The following DISC1 variants were observed in gnomAD, a reference collection of about 807,000 sequenced individuals.
DISC1 encodes disrupted in schizophrenia 1 protein.
DISC1 carries 57 observed loss-of-function variants against 84.5 expected under a neutral mutation model. That is an observed-to-expected ratio of 0.67 (90% CI 0.55 to 0.84). The LOEUF (loss-of-function observed/expected upper bound fraction) is 0.84. Among genes scored for constraint, DISC1 ranks in the 40% least tolerant of loss-of-function variants. DISC1 has a pLI of 0.00. For synonymous variants in DISC1, 411 were observed against 415.2 expected (o/e 0.99, Z 0.12); for missense variants, 1,000 against 1,057.8 (o/e 0.95, Z 0.76).
intron 9 of DISC1, among the ~76,000 whole-genome samples, chr1:231,907,504 A>C (rs1254228106): frequency 6.6e-6 from 1 of 152,040 alleles, no homozygotes; most frequent in Non-Finnish European, 1.5e-5. Context: ...GGGCTCCTGA[A>C]CTTATCCTTT....
intron 10 of DISC1, 38 bp from the exon 11 acceptor site, chr1:232,008,747 G>A: frequency 6.6e-7 from 1 of 1,522,626 alleles, no homozygotes; most frequent in East Asian, 2.3e-5. Flanking sequence ...AAACATCACT[G>A]AGTTCATTTT....
intron 3 of DISC1, among the ~76,000 whole-genome samples, chr1:231,706,170 G>A (rs1292185964): frequency 6.6e-6 from 1 of 152,148 alleles, no homozygotes; most frequent in African/African-American, 2.4e-5. Flanking sequence ...GGGCTTGGGA[G>A]AAAAAGAATA....
At chr1:231,864,265 C>T (rs1348655128) in intron 9 of DISC1, among the ~76,000 whole-genome samples, 1 of 152,170 alleles carries the variant, frequency 6.6e-6, no homozygotes, top group African/African-American at 2.4e-5. Context: ...CATCAGGCTT[C>T]CCTATATGTC....
chr1:231,730,105 T>C (rs1224806910), intron 3 of DISC1, among the ~76,000 whole-genome samples: 1 of 152,244 alleles, frequency 6.6e-6, no homozygotes, highest in Non-Finnish European at 1.5e-5. Flanking sequence ...AGCTAATTTT[T>C]TGTGAAAACA....
chr1:231,870,751 T>C (rs1258936479), intron 9 of DISC1, among the ~76,000 whole-genome samples: 1 of 152,218 alleles, frequency 6.6e-6, no homozygotes, highest in Non-Finnish European at 1.5e-5. Context: ...ACAAACTCTG[T>C]TTTTAGAGAT....
At chr1:231,664,039 T>TATCCATCCATCC (rs57234946) in intron 1 of DISC1, among the ~76,000 whole-genome samples, 255 of 146,420 alleles carry the variant, frequency 1.7e-3, no homozygotes, top group Middle Eastern at 6.9e-3. Flanking sequence ...TCCATCTATC[T>TATCCATCCATCC]ATCCATCCAT....
At chr1:231,665,446 G>A (rs2061940143) in intron 1 of DISC1, among the ~76,000 whole-genome samples, 1 of 152,180 alleles carries the variant, frequency 6.6e-6, no homozygotes, top group Non-Finnish European at 1.5e-5. Context: ...TGAATTGCTT[G>A]ATGTGTGCTA....
intron 11 of DISC1, among the ~76,000 whole-genome samples, chr1:232,018,338 C>T (rs1668666565): frequency 6.6e-6 from 1 of 152,128 alleles, no homozygotes; most frequent in African/African-American, 2.4e-5. Context: ...TAGGGAAAGA[C>T]TTAAGCCTTG....
intron 11 of DISC1, among the ~76,000 whole-genome samples, chr1:232,020,281 G>T (rs1043741342): frequency 6.6e-6 from 1 of 152,086 alleles, no homozygotes; most frequent in Admixed American, 6.5e-5. Flanking sequence ...GGCAGAGGTC[G>T]CAGTGAGCCG....
At chr1:231,828,023 A>G (rs528075331) in intron 9 of DISC1, among the ~76,000 whole-genome samples, 21 of 152,338 alleles carry the variant, frequency 1.4e-4, no homozygotes, top group Admixed American at 6.5e-5. Context: ...TTAACAACTG[A>G]TGACACACTT....
chr1:231,792,356 C>A (rs756889902), intron 6 of DISC1, among the ~76,000 whole-genome samples: 1 of 152,050 alleles, frequency 6.6e-6, no homozygotes, highest in South Asian at 2.1e-4. Context: ...GGTGCTTGAC[C>A]TCCTTTTTTG....
At chr1:231,647,411 C>T (rs1014112938) in intron 1 of DISC1, among the ~76,000 whole-genome samples, 5 of 152,120 alleles carry the variant, frequency 3.3e-5, no homozygotes, top group Non-Finnish European at 5.9e-5. Context: ...CTGTTCTGTT[C>T]CATTGGTCTA....
intron 9 of DISC1, among the ~76,000 whole-genome samples, chr1:231,838,035 T>A (rs1398568761): frequency 6.6e-6 from 1 of 152,112 alleles, no homozygotes. Context: ...TATCAATAGA[T>A]AAGAAAGATA....
At chr1:231,665,021 T>C (rs1302051387) in intron 1 of DISC1, among the ~76,000 whole-genome samples, 1 of 152,174 alleles carries the variant, frequency 6.6e-6, no homozygotes, top group Non-Finnish European at 1.5e-5. Flanking sequence ...AGTAAAAATT[T>C]ATCAAAACGT....
chr1:231,722,748 C>G, intron 3 of DISC1: 1 of 1,516,590 alleles, frequency 6.6e-7, no homozygotes, highest in Admixed American at 2.1e-5. Flanking sequence ...TATTCCTCTC[C>G]CTTTTAACAT....
intron 10 of DISC1, among the ~76,000 whole-genome samples, chr1:231,961,052 C>T (rs1247650143): frequency 6.6e-6 from 1 of 152,204 alleles, no homozygotes; most frequent in African/African-American, 2.4e-5. Context: ...TCATGCCCTC[C>T]TTGGGCACAC....
At chr1:231,742,276 C>A (rs17816290) in intron 3 of DISC1, among the ~76,000 whole-genome samples, 5,751 of 152,232 alleles carry the variant, frequency 0.038, 165 homozygotes, top group African/African-American at 0.075. Context: ...TCGGGGAACC[C>A]AGAGAGCCAG....
chr1:231,646,316 C>T (rs986937673), intron 1 of DISC1, among the ~76,000 whole-genome samples: 4 of 151,206 alleles, frequency 2.6e-5, no homozygotes, highest in African/African-American at 7.3e-5. Flanking sequence ...ATCCATGTCC[C>T]TACAAAGGAC....
At chr1:231,873,893 T>TGAAG (rs2085651354) in intron 9 of DISC1, among the ~76,000 whole-genome samples, 1 of 151,706 alleles carries the variant, frequency 6.6e-6, no homozygotes, top group Non-Finnish European at 1.5e-5. Flanking sequence ...CCAGGCTGAA[T>TGAAG]GCTGAAGTGC....
Sources: allele counts gnomAD v4.1 joint callset (sites outside exome capture counted in the v4.1 genomes callset), GRCh38; gene constraint gnomAD v4.1.1; transcripts MANE v1.5; gene names NCBI Gene and HGNC (gene_info 2026-07-23, HGNC 2026-07-21).